Variants in NDUFA10 observed in about 807,000 individuals in gnomAD.
NDUFA10 encodes the protein NADH dehydrogenase [ubiquinone] 1 alpha subcomplex subunit 10, mitochondrial.
A neutral mutation model predicts 47.8 loss-of-function variants in NDUFA10; 40 were observed. The observed-to-expected ratio is 0.84, with a 90% confidence interval of 0.65 to 1.09. NDUFA10 has a LOEUF of 1.09. NDUFA10 is among the 50% of genes least tolerant of loss of function. The probability of loss-of-function intolerance (pLI) is 0.00; values close to 1 mark genes in which losing one functional copy is unlikely to be tolerated. For missense variants in NDUFA10, 413 were observed against 451.1 expected, an observed-to-expected ratio of 0.92 and a Z score of 0.76; for synonymous variants, 183 against 172.2, an observed-to-expected ratio of 1.06 and a Z score of -0.49.
intron 9 of NDUFA10, chr2:239,981,968 T>G (rs973875934): frequency 2.0e-6 from 2 of 983,422 alleles, no homozygotes; most frequent in African/African-American, 3.2e-5. Flanking sequence ...TAAGAACCAC[T>G]GCCATGAAAA....
rs765215065 is a variant in NDUFA10 at position 239,961,107 on chromosome 2, A to G, written c.*11T>C. The G allele has an allele frequency of 7.4e-6, 12 of 1,614,162 alleles. No homozygotes were observed. Among genetic ancestry groups the G allele is most frequent in the Non-Finnish European group, 2.5e-6 (3 of 1,180,024 alleles). ...ATCACTGTGATGCAGCTGGAGCAGA[A>G]GGCGGCCCGTTCACTTCAGCCAGAT... On this transcript the variant is annotated 3_prime_UTR_variant, in exon 10 of 10. Coordinates refer to ENST00000252711, the MANE Select transcript of NDUFA10 (RefSeq NM_004544.4).
chr2:239,940,396 A>G (rs901314907), intron 4 of NDUFA10, among the ~76,000 whole-genome samples: 8 of 152,212 alleles, frequency 5.3e-5, no homozygotes, highest in African/African-American at 1.9e-4. Context: ...TGTCACGGCT[A>G]TTCCCAGCCT....
chr2:239,926,634 G>A (rs991934054), intron 4 of NDUFA10, among the ~76,000 whole-genome samples: 3 of 151,948 alleles, frequency 2.0e-5, no homozygotes, highest in African/African-American at 4.8e-5. Context: ...ATAGATACCT[G>A]TAAAACAGCC....
chr2:239,938,322 G>A lies in NDUFA10; in HGVS notation c.295-43008C>T, dbSNP rs548908906. On this transcript the variant is annotated intron_variant, in intron 4 of 5. Coordinates refer to the NDUFA10 transcript ENST00000419408. The stretch of plus-strand genomic sequence containing the variant: ...CCAGGCTGGCCGTCCCACACCTCCC[G>A]CCACTCCGCATGCTGCACAGGCCCC... Among the ~76,000 whole-genome samples, 8 of 152,290 alleles carry A rather than the reference G, an allele frequency of 5.3e-5. No homozygotes were observed. In the South Asian group the frequency reaches 6.2e-4, roughly 12 times the overall value.
At chr2:239,931,874 G>C (rs912130304) in intron 4 of NDUFA10, among the ~76,000 whole-genome samples, 38 of 124,142 alleles carry the variant, frequency 3.1e-4, no homozygotes, top group African/African-American at 1.1e-3. Flanking sequence ...CTCGCTCTGT[G>C]GCCCAGGCTG....
chr2:239,991,127 A>C, intron 8 of NDUFA10, among the ~76,000 whole-genome samples: 1 of 152,124 alleles, frequency 6.6e-6, no homozygotes, highest in East Asian at 1.9e-4. Flanking sequence ...TCCCCACAGT[A>C]CCCAGGTAGG....
intron 9 of NDUFA10, among the ~76,000 whole-genome samples, chr2:239,978,517 A>G (rs1199354594): frequency 6.6e-6 from 1 of 152,114 alleles, no homozygotes; most frequent in Non-Finnish European, 1.5e-5. Flanking sequence ...TTTCAGCAGA[A>G]AGCTCTTCTG....
intron 8 of NDUFA10, among the ~76,000 whole-genome samples, chr2:239,995,763 A>C (rs1371663381): frequency 2.0e-5 from 3 of 152,220 alleles, no homozygotes; most frequent in East Asian, 3.8e-4. Flanking sequence ...CCATGCCCAC[A>C]CTAATTGAAA....
At chr2:239,995,516 A>G (rs1433299455) in intron 8 of NDUFA10, among the ~76,000 whole-genome samples, 1 of 152,216 alleles carries the variant, frequency 6.6e-6, no homozygotes, top group Non-Finnish European at 1.5e-5. Flanking sequence ...GCTCAATGAA[A>G]TCCAGAGAAG....
intron 4 of NDUFA10, among the ~76,000 whole-genome samples, chr2:239,948,828 C>T (rs771536197): frequency 1.3e-5 from 2 of 152,246 alleles, no homozygotes; most frequent in African/African-American, 4.8e-5. Context: ...TCGAGCCATC[C>T]TGGCCTAGGC....
chr2:240,017,983 A>T (rs1449327244), intron 4 of NDUFA10: 20 of 1,242,674 alleles, frequency 1.6e-5, no homozygotes, highest in Non-Finnish European at 2.1e-5. Context: ...CTAGTCACAG[A>T]CACCCCAACC....
rs775699187 is a variant in NDUFA10 at position 240,007,341 on chromosome 2, G to A, written c.779C>T (p.Ala260Val). 1.9e-6 allele frequency: 3 copies of A among 1,596,116 alleles called. No individual in the cohort carries two copies. In the Admixed American group the frequency reaches 5.0e-5, roughly 27 times the overall value. ...CTTTTTTGAATCTTGAGCTTCCCTTGCAGAATATTGTAAAACCTCACATTT... is the reference window on the plus strand; with the variant it reads ...CTTTTTTGAATCTTGAGCTTCCCTTACAGAATATTGTAAAACCTCACATTT... The part of the protein sequence containing the change: ...SEKCEVLQYS[A>V]REAQDSKKVV... The change falls in exon 7 of 10, where the codon GCA becomes GTA. Residue 260 changes from alanine (A) to valine (V), a missense_variant. Transcript: ENST00000252711.
chr2:239,921,232 C>T (rs1043027888), intron 4 of NDUFA10, among the ~76,000 whole-genome samples: 1 of 152,072 alleles, frequency 6.6e-6, no homozygotes, highest in Non-Finnish European at 1.5e-5. Context: ...GTGTCCAGAG[C>T]TGCTTCCTTC....
At chr2:239,950,291 G>T (rs1694529609) in intron 4 of NDUFA10, among the ~76,000 whole-genome samples, 1 of 152,164 alleles carries the variant, frequency 6.6e-6, no homozygotes. Flanking sequence ...CTTCCTCAGG[G>T]ATCCCTCAGG....
intron 4 of NDUFA10, among the ~76,000 whole-genome samples, chr2:239,895,952 G>A (rs1693387656): frequency 6.7e-6 from 1 of 149,528 alleles, no homozygotes; most frequent in Admixed American, 6.6e-5. Flanking sequence ...CAGTGTAAGT[G>A]CTTGGCTAAT....
At chr2:239,921,181 G>A (rs1272233268) in intron 4 of NDUFA10, among the ~76,000 whole-genome samples, 1 of 152,132 alleles carries the variant, frequency 6.6e-6, no homozygotes, top group Non-Finnish European at 1.5e-5. Context: ...GAGCCGTGTA[G>A]GTAGGCGAGT....
chr2:239,917,189 A>AC (rs1461717878), intron 4 of NDUFA10, among the ~76,000 whole-genome samples: 3 of 144,170 alleles, frequency 2.1e-5, no homozygotes, highest in Non-Finnish European at 4.5e-5. Flanking sequence ...AATTAAATAA[A>AC]TAATAAAAAT....
Position 239,960,531 on chromosome 2 carries a change from T to G in NDUFA10, c.*587A>C. The stretch of plus-strand genomic sequence containing the variant: ...GTTCTGTAAATCTGTGGTAATTTTC[T>G]CCTTTTGCTATTTCTTCTTCACGTT... On this transcript the variant is annotated 3_prime_UTR_variant, in exon 10 of 10. Coordinates refer to ENST00000252711, the MANE Select transcript of NDUFA10 (RefSeq NM_004544.4). 1 of 998,994 alleles carries G rather than the reference T, an allele frequency of 1.0e-6. No individual in the cohort carries two copies. Among genetic ancestry groups the G allele is most frequent in the South Asian group, 4.3e-5 (1 of 23,062 alleles). The allele number at this position is 998,994 out of a possible 1,614,324, so 61.9% of individuals were successfully genotyped here.
At chr2:239,941,509 T>C (rs1029626580) in intron 4 of NDUFA10, among the ~76,000 whole-genome samples, 5 of 151,108 alleles carry the variant, frequency 3.3e-5, no homozygotes, top group African/African-American at 1.2e-4. Context: ...GCAGATCACC[T>C]GAGGTCGGGA....
Sources: gnomAD v4.1 joint callset for allele counts (sites outside exome capture counted in the v4.1 genomes callset) on GRCh38, gnomAD v4.1.1 for gene constraint, MANE v1.5 for transcripts, NCBI Gene and HGNC (gene_info 2026-07-23, HGNC 2026-07-21) for gene names.